Variants in PAQR8 observed in about 807,000 individuals in gnomAD.
PAQR8 encodes progestin and adipoQ receptor family member 8, also known as membrane progestin receptor beta.
In PAQR8, 17 loss-of-function variants were observed where a neutral mutation model predicts 25.2. The observed-to-expected ratio is 0.67, with a 90% CI of 0.46 to 1.01. The LOEUF is 1.01. Among genes scored for constraint, PAQR8 ranks in the 50% least tolerant of loss-of-function variants. The pLI, the probability that PAQR8 is intolerant of heterozygous loss-of-function variation, is 0.00. For missense variants in PAQR8, 392 were observed against 448.4 expected (o/e 0.87, Z 1.14); for synonymous variants, 204 against 190.6 (o/e 1.07, Z -0.58).
chr6:52,370,322 C>T (rs956638152), intron 1 of PAQR8, among the ~76,000 whole-genome samples: 8 of 152,022 alleles, frequency 5.3e-5, no homozygotes, highest in Non-Finnish European at 1.0e-4. Flanking sequence ...AAGGCCAGAG[C>T]GGCAGAGGTG....
chr6:52,393,626 T>G (rs910883622), intron 1 of PAQR8, among the ~76,000 whole-genome samples: 1 of 152,200 alleles, frequency 6.6e-6, no homozygotes, highest in Non-Finnish European at 1.5e-5. Context: ...CCACTGTACC[T>G]GGTCGATTTG....
intron 1 of PAQR8, among the ~76,000 whole-genome samples, chr6:52,372,129 A>G (rs1230531028): frequency 6.6e-6 from 1 of 152,088 alleles, no homozygotes; most frequent in Non-Finnish European, 1.5e-5. Context: ...ACTATTTTGT[A>G]TGCCTGTGAA....
chr6:52,368,229 T>C (rs1005594833), intron 1 of PAQR8, among the ~76,000 whole-genome samples: 2 of 152,180 alleles, frequency 1.3e-5, no homozygotes, highest in Admixed American at 1.3e-4. Context: ...GCACAGAGAA[T>C]GTTTAGCAGA....
chr6:52,368,811 C>G (rs1047449582), intron 1 of PAQR8, among the ~76,000 whole-genome samples: 8 of 152,054 alleles, frequency 5.3e-5, no homozygotes, highest in African/African-American at 1.9e-4. Flanking sequence ...CTCTGTGTCT[C>G]CCACCCAAAT....
intron 1 of PAQR8, among the ~76,000 whole-genome samples, chr6:52,395,272 CAAA>C (rs34239055): frequency 2.5e-4 from 23 of 93,420 alleles, no homozygotes; most frequent in African/African-American, 6.9e-4. Flanking sequence ...GACTTCGTCT[CAAA>C]AAAAAAAAAA....
Position 52,406,420 on chromosome 6 carries a change from T to C in PAQR8, c.*2142T>C, listed in dbSNP as rs1210231532. The C allele has an allele frequency of 2.4e-6, 1 of 413,348 alleles. No individual in the cohort carries two copies. Among genetic ancestry groups the C allele is most frequent in the Admixed American group, 4.4e-5 (1 of 22,738 alleles). 25.6% of individuals were successfully genotyped at this position (413,348 alleles called of 1,614,324 possible). Reference sequence around the variant, plus strand: ...AAAGAGAGAACCGGAGGTAGAGCAATGATCAGATGGGTGCACAGACCAGTG... The same window carrying C: ...AAAGAGAGAACCGGAGGTAGAGCAACGATCAGATGGGTGCACAGACCAGTG... On this transcript the variant is annotated 3_prime_UTR_variant, in exon 2 of 2. Transcript: ENST00000442253.
chr6:52,390,614 T>G (rs1047066155), intron 1 of PAQR8, among the ~76,000 whole-genome samples: 1 of 152,202 alleles, frequency 6.6e-6, no homozygotes, highest in Non-Finnish European at 1.5e-5. Context: ...CGTTTGAGTT[T>G]GTGTGCTGTG....
intron 1 of PAQR8, among the ~76,000 whole-genome samples, chr6:52,387,391 G>C (rs1763645495): frequency 6.6e-6 from 1 of 152,214 alleles, no homozygotes; most frequent in Non-Finnish European, 1.5e-5. Context: ...AGAATTATTG[G>C]GGTCTGCCCA....
At chr6:52,385,140 A>C (rs969094968) in intron 1 of PAQR8, among the ~76,000 whole-genome samples, 2 of 152,216 alleles carry the variant, frequency 1.3e-5, no homozygotes, top group African/African-American at 4.8e-5. Context: ...TAATTGGATC[A>C]TGGGGGCAGT....
At chr6:52,399,275 AAT>A (rs1408463741) in intron 1 of PAQR8, among the ~76,000 whole-genome samples, 5 of 152,226 alleles carry the variant, frequency 3.3e-5, no homozygotes, top group Non-Finnish European at 5.9e-5. Context: ...TGATATGAGA[AAT>A]AGAAGGAACT....
intron 1 of PAQR8, among the ~76,000 whole-genome samples, chr6:52,369,968 C>A (rs1343782499): frequency 6.6e-6 from 1 of 152,090 alleles, no homozygotes; most frequent in African/African-American, 2.4e-5. Flanking sequence ...GTCACTGAAA[C>A]CAGGTGGCAT....
At chr6:52,384,549 T>C (rs555692668) in intron 1 of PAQR8, among the ~76,000 whole-genome samples, 1 of 152,302 alleles carries the variant, frequency 6.6e-6, no homozygotes, top group Non-Finnish European at 1.5e-5. Context: ...AAAGTATCTT[T>C]AGCAGGTGTG....
chr6:52,370,457 A>G (rs1763405882), intron 1 of PAQR8, among the ~76,000 whole-genome samples: 1 of 152,228 alleles, frequency 6.6e-6, no homozygotes, highest in African/African-American at 2.4e-5. Context: ...TTTGTGCTTA[A>G]GGAGCCTAAT....
chr6:52,403,391 C>G lies in PAQR8; in HGVS notation c.178C>G (p.His60Asp). 1 of 1,614,272 alleles carries G rather than the reference C, an allele frequency of 6.2e-7. No individual in the cohort carries two copies. Residue 60 changes from histidine (H) to aspartate (D), a missense_variant, in exon 2 of 2, where the codon CAC becomes GAC. His to Asp is a moderately conservative substitution (Grantham distance 81). Transcript: ENST00000442253. ...YIRTGYRPTG[H>D]EWRYYFFSLF... ...CCGCACCGGCTACCGCCCCACGGGG[C>G]ACGAGTGGCGCTACTACTTCTTCAG... is the stretch of plus-strand genomic sequence containing the variant.
chr6:52,383,284 C>A (rs188185346), intron 1 of PAQR8, among the ~76,000 whole-genome samples: 1 of 152,228 alleles, frequency 6.6e-6, no homozygotes, highest in Non-Finnish European at 1.5e-5. Context: ...AGTCACAGTT[C>A]AGGTTTAGGA....
chr6:52,401,501 T>G (rs1763829281), intron 1 of PAQR8, among the ~76,000 whole-genome samples: 7 of 152,162 alleles, frequency 4.6e-5, no homozygotes, highest in Admixed American at 4.6e-4. Flanking sequence ...GAAATACAAG[T>G]GTAAGTTAAG....
chr6:52,398,174 C>T (rs1763787934), intron 1 of PAQR8, among the ~76,000 whole-genome samples: 1 of 150,342 alleles, frequency 6.7e-6, no homozygotes, highest in Non-Finnish European at 1.5e-5. Context: ...TCTTTCTGAC[C>T]ACAAGTTTAG....
chr6:52,372,574 C>T (rs1185402586), intron 1 of PAQR8, among the ~76,000 whole-genome samples: 1 of 152,054 alleles, frequency 6.6e-6, no homozygotes, highest in Non-Finnish European at 1.5e-5. Context: ...CACATGTGTG[C>T]TAAGAGTTTT....
chr6:52,403,892 C>G lies in PAQR8; in HGVS notation c.679C>G (p.Pro227Ala). The change falls in exon 2 of 2, where the codon CCT (proline) becomes GCT (alanine). Residue 227 changes from proline (P) to alanine (A), a missense_variant. Physicochemically the swap from Pro to Ala is conservative, Grantham distance 27. Transcript: ENST00000442253. ...TCTGGCTTTTATCCTAGACATCAGC[C>G]CTGTGGCACACCGTGTGGCGCTCTG... ...AGLAFILDIS[P>A]VAHRVALCHL... The G allele has an allele frequency of 6.2e-7, 1 of 1,614,214 alleles. No homozygotes were observed. The highest frequency in any genetic ancestry group is 8.5e-7 in the Non-Finnish European group (1 of 1,180,032).
Sources: gnomAD v4.1 joint callset for allele counts (sites outside exome capture counted in the v4.1 genomes callset) on GRCh38, gnomAD v4.1.1 for gene constraint, MANE v1.5 for transcripts, NCBI Gene and HGNC (gene_info 2026-07-23, HGNC 2026-07-21) for gene names.